PC: variants seen among roughly 807,000 people sequenced by gnomAD.
The protein encoded by PC is pyruvate carboxylase.
Under a neutral mutation model 107.8 loss-of-function variants are expected in PC, and 46 were observed. The observed-to-expected ratio is 0.43, with a 90% CI of 0.34 to 0.55. The LOEUF (loss-of-function observed/expected upper bound fraction) is 0.55. PC is among the 20% of genes least tolerant of loss of function. The pLI is 0.04. For synonymous variants in PC, 662 were observed against 684.7 expected, an observed-to-expected ratio of 0.97 and a Z score of 0.52; for missense variants, 1,241 against 1,643.1, an observed-to-expected ratio of 0.76 and a Z score of 4.23.
At chr11:66,914,256 A>C (rs553165254) in intron 3 of PC, among the ~76,000 whole-genome samples, 129 of 152,332 alleles carry the variant, frequency 8.5e-4, no homozygotes, top group African/African-American at 3.0e-3. Context: ...TAACGCCTGT[A>C]ATCCCAGCAC....
chr11:66,848,784 G>T lies in PC; in HGVS notation c.*115C>A. On this transcript the variant is annotated 3_prime_UTR_variant, in exon 23 of 23. Transcript: ENST00000393960. ...TGTCTCTCCTGTCCAGCTGTGGACAGGACCTCCACGGCCCGGCCTTCCTGG... is the reference window on the plus strand; with the variant it reads ...TGTCTCTCCTGTCCAGCTGTGGACATGACCTCCACGGCCCGGCCTTCCTGG... The T allele has an allele frequency of 7.6e-7, 1 of 1,320,152 alleles. No individual in the cohort carries two copies. The highest frequency in any genetic ancestry group is 1.1e-6 in the Non-Finnish European group (1 of 927,330). The allele number at this position is 1,320,152 out of a possible 1,614,324, so 81.8% of individuals were successfully genotyped here.
intron 12 of PC, chr11:66,860,434 A>T (rs1024026408): frequency 1.4e-5 from 10 of 706,262 alleles, no homozygotes; most frequent in Non-Finnish European, 2.6e-5. Flanking sequence ...ACCCACTGGG[A>T]GTCTTGTTTT....
chr11:66,889,749 CAGTT>C lies in PC; in HGVS notation c.1-17594_1-17591del. On this transcript the variant is annotated intron_variant, in intron 3 of 22. Coordinates refer to ENST00000393960, the MANE Select transcript of PC (RefSeq NM_001040716.2). ...AAAAACCACACTCTGCAAACAGGTGCAGTTCCTTTGTGATTCTTCCTAATACCAT... is the reference window on the plus strand; with the variant it reads ...AAAAACCACACTCTGCAAACAGGTGCCCTTTGTGATTCTTCCTAATACCAT... 2.0e-5 allele frequency among the ~76,000 whole-genome samples: 3 copies of C among 152,272 alleles called. No individual in the cohort carries two copies. The East Asian group carries it at 5.8e-4, about 29-fold the overall frequency.
chr11:66,848,728 A>G lies in PC; in HGVS notation c.*171T>C. The G allele has an allele frequency of 1.3e-6, 1 of 757,112 alleles. No homozygotes were observed. The highest frequency in any genetic ancestry group is 2.2e-6 in the Non-Finnish European group (1 of 453,510). The allele number at this position is 757,112 out of a possible 1,614,324, so 46.9% of individuals were successfully genotyped here. A position where few individuals can be genotyped will look rare whatever the true frequency, so the allele number is the denominator to read the frequency against. On this transcript the variant is annotated 3_prime_UTR_variant, in exon 23 of 23. Coordinates refer to ENST00000393960, the MANE Select transcript of PC (RefSeq NM_001040716.2). ...CAGCTGTCCGCCGGAGGAAAGGACG[A>G]TGGCTGAAAGGAATGAACCACCGCA... is the stretch of plus-strand genomic sequence containing the variant.
At chr11:66,913,279 TG>T (rs1394797625) in intron 3 of PC, among the ~76,000 whole-genome samples, 1 of 151,518 alleles carries the variant, frequency 6.6e-6, no homozygotes, top group African/African-American at 2.4e-5. Flanking sequence ...CTAGGATGCA[TG>T]GGGCCCCAGA....
At chr11:66,876,861 G>T (rs756048077) in intron 3 of PC, among the ~76,000 whole-genome samples, 4 of 152,152 alleles carry the variant, frequency 2.6e-5, no homozygotes, top group South Asian at 2.1e-4. Context: ...AGAGGCGAGG[G>T]GAGCCTTCGG....
intron 3 of PC, among the ~76,000 whole-genome samples, chr11:66,911,882 A>C (rs1948342217): frequency 6.6e-6 from 1 of 151,960 alleles, no homozygotes; most frequent in Non-Finnish European, 1.5e-5. Context: ...AAATACAAAA[A>C]TTAGCCGGGT....
chr11:66,919,504 G>A (rs1183388389), intron 3 of PC, among the ~76,000 whole-genome samples: 2 of 152,228 alleles, frequency 1.3e-5, no homozygotes, highest in Admixed American at 1.3e-4. Flanking sequence ...AGATCTCCAG[G>A]AGCTTGACAA....
intron 11 of PC, 26 bp from the exon 12 acceptor site, chr11:66,863,982 C>A (rs761694321): frequency 1.4e-5 from 23 of 1,612,868 alleles, no homozygotes; most frequent in Middle Eastern, 1.7e-4. Context: ...GGCGTGAGGA[C>A]CTGCGCCAGA....
At chr11:66,911,833 C>T (rs529823386) in intron 3 of PC, among the ~76,000 whole-genome samples, 1 of 152,014 alleles carries the variant, frequency 6.6e-6, no homozygotes, top group African/African-American at 2.4e-5. Flanking sequence ...GAGTTCGAGA[C>T]CAGCCTGACC....
chr11:66,949,742 G>C (rs928230477), intron 3 of PC, among the ~76,000 whole-genome samples: 7 of 152,286 alleles, frequency 4.6e-5, no homozygotes, highest in Admixed American at 3.9e-4. Context: ...AGATCAGAAA[G>C]ATTTATAGGC....
intron 11 of PC, among the ~76,000 whole-genome samples, chr11:66,865,147 A>C (rs571344196): frequency 3.3e-5 from 5 of 152,276 alleles, no homozygotes; most frequent in African/African-American, 1.2e-4. Flanking sequence ...CCAGAAACAG[A>C]AGGCAGGTGG....
At chr11:66,915,477 C>T (rs1277834735) in intron 3 of PC, among the ~76,000 whole-genome samples, 3 of 152,210 alleles carry the variant, frequency 2.0e-5, no homozygotes, top group South Asian at 2.1e-4. Context: ...ATGAAGCATG[C>T]GGCCTAGAAC....
chr11:66,921,396 A>C (rs577027064), intron 3 of PC, among the ~76,000 whole-genome samples: 62 of 152,372 alleles, frequency 4.1e-4, no homozygotes, highest in African/African-American at 1.4e-3. Context: ...ATGTCTAAGC[A>C]AAGAACCCTG....
chr11:66,850,371 G>A lies in PC; in HGVS notation c.2567C>T (p.Ser856Phe). ...ATTTTCATACACGTCCGAGTTGCCA[G>A]ACTTCATGGTGGCCGTGCAGTCGAA... ...AAFDCTATMK[S>F]GNSDVYENEI... is the part of the protein sequence containing the mutation. Residue 856 changes from serine (S) to phenylalanine (F), a missense_variant, in exon 19 of 23, where the codon TCT becomes TTT. Around this residue, in one of 2 missense-constraint regions of PC, gnomAD observed 1,143 missense variants for 1,551.9 expected, o/e 0.74. Transcript: ENST00000393960. 5 of 1,614,116 alleles carry A rather than the reference G, an allele frequency of 3.1e-6. No individual in the cohort carries two copies. The highest frequency in any genetic ancestry group is 4.2e-6 in the Non-Finnish European group (5 of 1,180,020).
chr11:66,922,346 G>A (rs564409846), intron 3 of PC, among the ~76,000 whole-genome samples: 10 of 152,056 alleles, frequency 6.6e-5, no homozygotes, highest in South Asian at 6.2e-4. Context: ...AGGCTGGGGC[G>A]GGCGAATCAC....
chr11:66,853,713 G>A (rs1256854128), intron 12 of PC, among the ~76,000 whole-genome samples: 2 of 152,152 alleles, frequency 1.3e-5, no homozygotes, highest in Non-Finnish European at 2.9e-5. Flanking sequence ...CTTGCCCCTC[G>A]TCCACGCTTC....
At chr11:66,910,344 C>T (rs1726803525) in intron 3 of PC, among the ~76,000 whole-genome samples, 1 of 152,148 alleles carries the variant, frequency 6.6e-6, no homozygotes, top group African/African-American at 2.4e-5. Context: ...GCTCCTTGTG[C>T]CATCAGGGCA....
At chr11:66,881,056 G>A (rs1947170580) in intron 3 of PC, among the ~76,000 whole-genome samples, 1 of 152,190 alleles carries the variant, frequency 6.6e-6, no homozygotes, top group Non-Finnish European at 1.5e-5. Flanking sequence ...CACGCCTCGG[G>A]GGATGCCACT....
Sources: gnomAD v4.1 joint callset for allele counts (sites outside exome capture counted in the v4.1 genomes callset) on GRCh38, gnomAD v4.1.1 for gene constraint, gnomAD v4.1.1 regional missense constraint, MANE v1.5 for transcripts, NCBI Gene and HGNC (gene_info 2026-07-23, HGNC 2026-07-21) for gene names.